Variants in MYOF observed in about 807,000 individuals in gnomAD.
MYOF encodes myoferlin, also known as fer-1-like 3, myoferlin.
Under a neutral mutation model 284.2 loss-of-function variants are expected in MYOF, and 244 were observed. The observed-to-expected ratio is 0.86, with a 90% CI of 0.77 to 0.95. MYOF has a LOEUF of 0.95. Among genes scored for constraint, MYOF ranks in the 40% least tolerant of loss-of-function variants. The pLI, the probability that MYOF is intolerant of heterozygous loss-of-function variation, is 0.00. For synonymous variants in MYOF, 904 were observed against 919.7 expected (o/e 0.98, Z 0.31); for missense variants, 2,496 against 2,560.6 (o/e 0.97, Z 0.54).
At chr10:93,412,339 A>G (rs1267366566) in intron 5 of MYOF, among the ~76,000 whole-genome samples, 1 of 152,210 alleles carries the variant, frequency 6.6e-6, no homozygotes, top group East Asian at 1.9e-4. Flanking sequence ...TGTCCTCTGC[A>G]AGATGATCTG....
chr10:93,318,179 G>A (rs73315544), intron 49 of MYOF, among the ~76,000 whole-genome samples: 3,032 of 152,220 alleles, frequency 0.02, 115 homozygotes, highest in African/African-American at 0.067. Flanking sequence ...TTGTCACTTT[G>A]GGAGGCCAAG....
intron 22 of MYOF, among the ~76,000 whole-genome samples, chr10:93,375,551 AT>A (rs1239817207): frequency 6.6e-6 from 1 of 152,192 alleles, no homozygotes; most frequent in East Asian, 1.9e-4. Context: ...TACTAGTTCT[AT>A]TGTCTTGACC....
At position 93,482,100 on chromosome 10, in the gene MYOF, T is replaced by C. The variant is rs1450190141; in HGVS notation, c.88+7A>G. ...GACTTCAGAAAAAGAAGAAAACTTT[T>C]TCTTACCCTTAAAAATGACAGAAAC... On this transcript the variant is annotated splice_region_variant and intron_variant, in intron 1 of 53. Coordinates refer to ENST00000359263, the MANE Select transcript of MYOF (RefSeq NM_013451.4). 3 of 1,612,278 alleles carry C rather than the reference T, an allele frequency of 1.9e-6. No individual in the cohort carries two copies. Among genetic ancestry groups the C allele is most frequent in the Non-Finnish European group, 2.5e-6 (3 of 1,178,612 alleles).
chr10:93,387,178 C>A (rs952138575), intron 19 of MYOF, among the ~76,000 whole-genome samples: 6 of 152,220 alleles, frequency 3.9e-5, no homozygotes, highest in African/African-American at 1.4e-4. Context: ...AGGGCAGGGC[C>A]TGTCCTGTGT....
intron 3 of MYOF, among the ~76,000 whole-genome samples, chr10:93,432,319 T>C (rs1418466707): frequency 6.6e-6 from 1 of 151,722 alleles, no homozygotes; most frequent in East Asian, 1.9e-4. Flanking sequence ...ACCCAGGAGG[T>C]TGAGCTTGCA....
chr10:93,367,092 C>T (rs567443477), intron 25 of MYOF, among the ~76,000 whole-genome samples: 39 of 152,280 alleles, frequency 2.6e-4, no homozygotes, highest in African/African-American at 9.4e-4. Context: ...CATGAAGGTC[C>T]TTTAATACCC....
At position 93,353,897 on chromosome 10, in the gene MYOF, A is replaced by C; in HGVS notation, c.3404-9T>G. 6.9e-6 allele frequency: 11 copies of C among 1,600,362 alleles called. No homozygotes were observed. Among genetic ancestry groups the C allele is most frequent in the Non-Finnish European group, 8.5e-6 (10 of 1,171,100 alleles). ...ATGGTAGATGTAGACTCCTAAAAAA[A>C]CAGGATAAAGATTACTTACAAGAAG... is the stretch of plus-strand genomic sequence containing the variant. On this transcript the variant is annotated splice_polypyrimidine_tract_variant and intron_variant, in intron 31 of 53. Transcript: ENST00000359263.
chr10:93,403,934 C>T, intron 9 of MYOF, 89 bp downstream of exon 9: 3 of 1,392,280 alleles, frequency 2.2e-6, no homozygotes, highest in South Asian at 2.4e-5. Flanking sequence ...TCCCAAGATG[C>T]CACCAAGATG....
chr10:93,458,532 C>A (rs190385258), intron 1 of MYOF, among the ~76,000 whole-genome samples: 7 of 152,164 alleles, frequency 4.6e-5, no homozygotes, highest in African/African-American at 1.4e-4. Flanking sequence ...GGTCAGGAGA[C>A]CAGCCTGGCC....
At chr10:93,392,135 AATAG>A (rs1206015002) in intron 17 of MYOF, among the ~76,000 whole-genome samples, 1 of 152,206 alleles carries the variant, frequency 6.6e-6, no homozygotes, top group African/African-American at 2.4e-5. Flanking sequence ...ATTATAATGA[AATAG>A]ATTGTTTAAA....
rs78829841 is a variant in MYOF at position 93,443,731 on chromosome 10, A to G, written c.236+8319T>C. Among the ~76,000 whole-genome samples the G allele has an allele frequency of 5.1e-3, 775 of 152,276 alleles. 3 individuals carry two copies. The highest frequency in any genetic ancestry group is 0.018 in the African/African-American group (745 of 41,528). On this transcript the variant is annotated intron_variant, in intron 3 of 53. Transcript: ENST00000359263. ...CACTGTTCTGTGCCAGCAAAGTCCAACATCTGAAAACTACTGTTGCATGTA... is the reference window on the plus strand; with the variant it reads ...CACTGTTCTGTGCCAGCAAAGTCCAGCATCTGAAAACTACTGTTGCATGTA...
chr10:93,397,320 A>G, intron 14 of MYOF, 30 bp from the exon 15 acceptor site: 1 of 1,593,026 alleles, frequency 6.3e-7, no homozygotes, highest in Non-Finnish European at 8.6e-7. Flanking sequence ...AAAAGTAGTT[A>G]TTTCTCAATG....
chr10:93,453,496 A>C (rs2056652580), intron 2 of MYOF, among the ~76,000 whole-genome samples: 1 of 152,104 alleles, frequency 6.6e-6, no homozygotes, highest in South Asian at 2.1e-4. Context: ...ACAGGGTTTC[A>C]CCATGTTGGC....
intron 1 of MYOF, among the ~76,000 whole-genome samples, chr10:93,467,664 C>T (rs369898269): frequency 3.9e-5 from 6 of 152,238 alleles, no homozygotes; most frequent in African/African-American, 1.4e-4. Context: ...GCTATAAAGA[C>T]ACATGCACAC....
At chr10:93,403,079 C>T (rs534035533) in intron 9 of MYOF, among the ~76,000 whole-genome samples, 189 bp from the exon 10 acceptor site, 42 of 152,270 alleles carry the variant, frequency 2.8e-4, no homozygotes, top group African/African-American at 8.9e-4. Flanking sequence ...GGAAGACCCT[C>T]AGTAAGTCAC....
intron 51 of MYOF, among the ~76,000 whole-genome samples, chr10:93,311,856 G>A (rs1484768053): frequency 2.0e-5 from 3 of 152,152 alleles, no homozygotes; most frequent in Non-Finnish European, 2.9e-5. Context: ...ACTTCATGGC[G>A]TTGTCAGCAG....
intron 17 of MYOF, among the ~76,000 whole-genome samples, chr10:93,391,438 A>C (rs1846670651): frequency 6.6e-6 from 1 of 151,284 alleles, no homozygotes; most frequent in Admixed American, 6.6e-5. Flanking sequence ...CTAAAAACAC[A>C]AAAAAAATTA....
At chr10:93,411,850 G>A (rs41380750) in intron 5 of MYOF, among the ~76,000 whole-genome samples, 2,266 of 152,162 alleles carry the variant, frequency 0.015, 60 homozygotes, top group African/African-American at 0.05. Flanking sequence ...CCACAGCCTT[G>A]GACACCAGTG....
chr10:93,341,292 T>TTTC (rs397782233), intron 38 of MYOF, among the ~76,000 whole-genome samples: 1 of 151,818 alleles, frequency 6.6e-6, no homozygotes, highest in Non-Finnish European at 1.5e-5. Flanking sequence ...TTTTTTTTTT[T>TTTC]CAGACTAAGT....
Sources: gnomAD v4.1 joint callset for allele counts (sites outside exome capture counted in the v4.1 genomes callset) on GRCh38, gnomAD v4.1.1 for gene constraint, MANE v1.5 for transcripts, NCBI Gene and HGNC (gene_info 2026-07-23, HGNC 2026-07-21) for gene names.